Variants in SLC28A1 observed in about 807,000 individuals in gnomAD.
The protein encoded by SLC28A1 is solute carrier family 28 member 1, also known as sodium/nucleoside cotransporter 1.
Under a neutral mutation model 74.8 loss-of-function variants are expected in SLC28A1, and 64 were observed. The ratio of observed to expected loss-of-function variants is 0.86; its 90% CI spans 0.70 to 1.05. The LOEUF is 1.05. Among genes scored for constraint, SLC28A1 ranks in the 50% least tolerant of loss-of-function variants. The pLI is 0.00. For missense variants in SLC28A1, 828 were observed against 822.8 expected (o/e 1.01, Z -0.08); for synonymous variants, 359 against 335.0 (o/e 1.07, Z -0.78).
intron 11 of SLC28A1, among the ~76,000 whole-genome samples, chr15:84,921,677 CT>C (rs1489714804): frequency 1.3e-5 from 2 of 152,268 alleles, no homozygotes; most frequent in South Asian, 4.1e-4. Context: ...CCATATTTCA[CT>C]GGACAGTTTA....
chr15:84,917,134 T>C (rs2141886785), intron 9 of SLC28A1, among the ~76,000 whole-genome samples: 1 of 152,158 alleles, frequency 6.6e-6, no homozygotes, highest in Middle Eastern at 3.4e-3. Flanking sequence ...ACAAATCCTT[T>C]GGCTATTTGG....
At chr15:84,949,565 ATTT>A (rs11318236), downstream of SLC28A1, among the ~76,000 whole-genome samples, 57 of 103,828 alleles carry the variant, frequency 5.5e-4, no homozygotes, top group African/African-American at 1.1e-3. Flanking sequence ...TGCCCGGCTA[ATTT>A]TTTTTTTTTT....
intron 9 of SLC28A1, among the ~76,000 whole-genome samples, chr15:84,917,419 G>C (rs1969266001): frequency 6.6e-6 from 1 of 152,100 alleles, no homozygotes; most frequent in Non-Finnish European, 1.5e-5. Flanking sequence ...GCCTATACAA[G>C]ATCACACACA....
chr15:84,935,467 C>T lies in SLC28A1; in HGVS notation c.1530C>T (p.Arg510=), dbSNP rs1289108584. Residue 510 remains arginine, a synonymous_variant, in exon 15 of 19, where the codon CGC becomes CGT. Transcript: ENST00000394573. Reference sequence around the variant, plus strand: ...AAGACCTCTCCAAGTACAAGCAACGCCGCCTGGCAGGGGCCGAGGAGTGGG... The same window carrying T: ...AAGACCTCTCCAAGTACAAGCAACGTCGCCTGGCAGGGGCCGAGGAGTGGG... ...AYQDLSKYKQ[R]RLAGAEEWVG... 1.2e-6 allele frequency: 2 copies of T among 1,614,188 alleles called. No homozygotes were observed. The highest frequency in any genetic ancestry group is 1.6e-4 in the Middle Eastern group (1 of 6,062).
At chr15:84,963,627 G>GC in the SLC28A1 span, among the ~76,000 whole-genome samples, 7 of 152,144 alleles carry the variant, frequency 4.6e-5, no homozygotes, top group East Asian at 1.9e-4. Context: ...GGGTCCAGCT[G>GC]CCCCCCCGAG....
At chr15:84,930,716 G>A (rs902717856) in intron 12 of SLC28A1, among the ~76,000 whole-genome samples, 3 of 145,338 alleles carry the variant, frequency 2.1e-5, no homozygotes, top group East Asian at 4.1e-4. Flanking sequence ...ACCCATTCTC[G>A]TGCCTCAGCC....
rs753176725 is a variant in SLC28A1, at chr15:84,944,617, C to T, written c.1715C>T (p.Ala572Val). ...KSDFSQIVLR[A>V]LFTGACVSLV... The stretch of plus-strand genomic sequence containing the variant: ...GACTTCTCCCAGATAGTGCTCCGGG[C>T]GCTCTTCACGGGAGCCTGTGTGTCC... The change falls in exon 17 of 19, where the codon GCG becomes GTG. Residue 572 changes from alanine to valine, a missense_variant. Ala to Val is a moderately conservative substitution (Grantham distance 64). Around this residue, in one of 3 missense-constraint regions of SLC28A1, gnomAD observed 767 missense variants for 753.5 expected, o/e 1.02. Transcript: ENST00000394573. The T allele has an allele frequency of 1.5e-5, 24 of 1,613,924 alleles. No homozygotes were observed. The Admixed American group carries it at 1.7e-4, about 11-fold the overall frequency.
intron 12 of SLC28A1, among the ~76,000 whole-genome samples, chr15:84,928,036 A>T (rs1970711967): frequency 6.6e-6 from 1 of 152,296 alleles, no homozygotes; most frequent in Middle Eastern, 3.4e-3. Flanking sequence ...GAACTTAAAC[A>T]CTGGAAGAAT....
chr15:84,901,371 G>A (rs939894636), intron 6 of SLC28A1, among the ~76,000 whole-genome samples: 2 of 152,142 alleles, frequency 1.3e-5, no homozygotes, highest in African/African-American at 2.4e-5. Flanking sequence ...GCCAGATATG[G>A]TGACGGGCAC....
At chr15:84,890,400 G>A in intron 4 of SLC28A1, 43 bp from the exon 5 acceptor site, 2 of 1,412,162 alleles carry the variant, frequency 1.4e-6, no homozygotes, top group South Asian at 2.4e-5. Flanking sequence ...CCCCAGATGG[G>A]GTCTGCTCAT....
intron 8 of SLC28A1, among the ~76,000 whole-genome samples, chr15:84,906,353 G>A (rs533294898): frequency 2.0e-5 from 3 of 151,840 alleles, no homozygotes; most frequent in African/African-American, 7.2e-5. Flanking sequence ...GTCTTGCTTT[G>A]ACATCCAGGC....
chr15:84,947,104 G>C (rs1050705448), downstream of SLC28A1, among the ~76,000 whole-genome samples: 3 of 152,238 alleles, frequency 2.0e-5, no homozygotes, highest in Admixed American at 6.5e-5. Flanking sequence ...CAGCAGCCTT[G>C]CTCCTTGTGA....
intron 9 of SLC28A1, among the ~76,000 whole-genome samples, chr15:84,910,686 C>T (rs1968058183): frequency 6.6e-6 from 1 of 152,186 alleles, no homozygotes; most frequent in Admixed American, 6.5e-5. Flanking sequence ...TGAGATCATG[C>T]CATTGCACTC....
Position 84,886,740 on chromosome 15 carries a change from A to G in SLC28A1, c.-64A>G. ...TTGGACCCAGCTTGTCCCCACAGAG[A>G]CGTGTGCTTCCCTCTCTCTCTGAGA... On this transcript the variant is annotated 5_prime_UTR_variant, in exon 2 of 19. Coordinates refer to ENST00000394573, the MANE Select transcript of SLC28A1 (RefSeq NM_004213.5). 1.0e-6 allele frequency: 1 copy of G among 985,432 alleles called. No individual in the cohort carries two copies. Among genetic ancestry groups the G allele is most frequent in the Non-Finnish European group, 1.2e-6 (1 of 829,930 alleles). The allele number at this position is 985,432 out of a possible 1,614,324, so 61.0% of individuals were successfully genotyped here. A position where few individuals can be genotyped will look rare whatever the true frequency, so the allele number is the denominator to read the frequency against.
At position 84,935,055 on chromosome 15, in the gene SLC28A1, G is replaced by A; in HGVS notation, c.1244G>A (p.Ser415Asn). 6.2e-7 allele frequency: 1 copy of A among 1,614,114 alleles called. No individual in the cohort carries two copies. The highest frequency in any genetic ancestry group is 1.3e-5 in the African/African-American group (1 of 75,064). ...GDAQNLIEAASTGAAISVKVV... is the reference protein window; with the variant it reads ...GDAQNLIEAANTGAAISVKVV... ...GCTCAGAACCTCATAGAAGCAGCCA[G>A]CACTGGGGCCGCCATCTCCGTGAAG... Residue 415 changes from serine (S) to asparagine (N), a missense_variant, in exon 14 of 19, where the codon AGC becomes AAC. Ser to Asn is a conservative substitution (Grantham distance 46). Coordinates refer to ENST00000394573, the MANE Select transcript of SLC28A1 (RefSeq NM_004213.5).
the SLC28A1 span, among the ~76,000 whole-genome samples, chr15:84,956,468 C>CTTCTTTCTTTCTTTCTTTCCTTCT: frequency 1.5e-5 from 1 of 67,054 alleles, no homozygotes; most frequent in Non-Finnish European, 3.4e-5. Flanking sequence ...TCTTTCTTTC[C>CTTCTTTCTTTCTTTCTTTCCTTCT]TTCTTTCTTT....
chr15:84,932,486 A>G (rs1971431784), intron 12 of SLC28A1, among the ~76,000 whole-genome samples: 1 of 152,194 alleles, frequency 6.6e-6, no homozygotes, highest in South Asian at 2.1e-4. Flanking sequence ...GGTGGCTGTC[A>G]TAGAGGCAGA....
chr15:84,888,735 G>C, intron 3 of SLC28A1, 37 bp from the exon 4 acceptor site: 1 of 1,481,172 alleles, frequency 6.8e-7, no homozygotes, highest in South Asian at 1.2e-5. Flanking sequence ...GGGTGGGTAA[G>C]GGGCAGGCCG....
chr15:84,935,694 T>C (rs1006259052), intron 15 of SLC28A1, among the ~76,000 whole-genome samples, 176 bp downstream of exon 15: 2 of 152,190 alleles, frequency 1.3e-5, no homozygotes, highest in African/African-American at 2.4e-5. Context: ...TTCGCTGCCA[T>C]CTTTCTCAAG....
Sources: gnomAD v4.1 joint callset for allele counts (sites outside exome capture counted in the v4.1 genomes callset) on GRCh38, gnomAD v4.1.1 for gene constraint, gnomAD v4.1.1 regional missense constraint, MANE v1.5 for transcripts, NCBI Gene and HGNC (gene_info 2026-07-23, HGNC 2026-07-21) for gene names.